THBS4: variants seen among roughly 807,000 people sequenced by gnomAD.
THBS4 encodes the protein thrombospondin 4, also known as thrombospondin-4.
THBS4 carries 90 observed loss-of-function variants against 115.7 expected under a neutral mutation model. The ratio of observed to expected loss-of-function variants is 0.78; its 90% CI spans 0.66 to 0.93. The LOEUF (loss-of-function observed/expected upper bound fraction) is 0.93, where lower values mean the gene tolerates loss of function less well. Ranked by LOEUF, THBS4 falls within the 40% of genes least tolerant of loss-of-function variation. The pLI, the probability that THBS4 is intolerant of heterozygous loss-of-function variation, is 0.00. For synonymous variants in THBS4, 460 were observed against 479.3 expected, an observed-to-expected ratio of 0.96 and a Z score of 0.53; for missense variants, 1,087 against 1,232.7, an observed-to-expected ratio of 0.88 and a Z score of 1.77.
At chr5:80,011,329 G>A (rs1367193750) in intron 2 of THBS4, among the ~76,000 whole-genome samples, 1 of 152,052 alleles carries the variant, frequency 6.6e-6, no homozygotes, top group Non-Finnish European at 1.5e-5. Flanking sequence ...ACTAATACAA[G>A]GGTAAACCAC....
intron 2 of THBS4, among the ~76,000 whole-genome samples, chr5:80,041,163 G>T (rs907103620): frequency 1.3e-5 from 2 of 152,106 alleles, no homozygotes. Flanking sequence ...CGCAGATTTG[G>T]CTCCTTGTAA....
At chr5:80,073,470 G>T in intron 15 of THBS4, 143 bp downstream of exon 15, 1 of 730,538 alleles carries the variant, frequency 1.4e-6, no homozygotes, top group Non-Finnish European at 2.3e-6. Context: ...TGCAAGCTCC[G>T]ATTCCCAGGT....
Position 80,078,129 on chromosome 5 carries a change from G to A in THBS4, c.2167G>A (p.Ala723Thr), listed in dbSNP as rs558997283. ...TCGGATCGACGTCTGCCCAGAGAAC[G>A]CAGAGGTCACCCTGACCGACTTCAG... The part of the protein sequence containing the change: ...IDRIDVCPEN[A>T]EVTLTDFRAY... The change falls in exon 17 of 22, where the codon GCA (alanine) becomes ACA (threonine). Residue 723 changes from alanine (A) to threonine (T), a missense_variant. Physicochemically the swap from Ala to Thr is moderately conservative, Grantham distance 58 (BLOSUM62 0). This residue lies in a region of THBS4 where 979 missense variants were observed against 1,103.7 expected (regional missense o/e 0.89). Coordinates refer to ENST00000350881, the MANE Select transcript of THBS4 (RefSeq NM_003248.6). The A allele has an allele frequency of 1.2e-5, 19 of 1,612,614 alleles. No homozygotes were observed. In the Admixed American group the frequency reaches 1.8e-4, roughly 16 times the overall value.
chr5:80,060,788 C>T (rs1034658251), intron 7 of THBS4, among the ~76,000 whole-genome samples: 1 of 152,118 alleles, frequency 6.6e-6, no homozygotes, highest in African/African-American at 2.4e-5. Context: ...TAGGCAATCA[C>T]CAGTCCAGTT....
Position 80,076,887 on chromosome 5 carries a change from A to G in THBS4, c.1925A>G (p.Asn642Ser), listed in dbSNP as rs758166298. Residue 642 changes from asparagine (N) to serine (S), a missense_variant, in exon 16 of 22, where the codon AAC becomes AGC. Asn to Ser is a conservative substitution (Grantham distance 46). Around this residue, in one of 3 missense-constraint regions of THBS4, gnomAD observed 979 missense variants for 1,103.7 expected, o/e 0.89. Coordinates refer to ENST00000350881, the MANE Select transcript of THBS4 (RefSeq NM_003248.6). ...GATGGGCACCAGGACAGCACAGACA[A>G]CTGCCCCACCGTCATTAACAGTGCC... ...DGDGHQDSTD[N>S]CPTVINSAQL... 24 of 1,607,546 alleles carry G rather than the reference A, an allele frequency of 1.5e-5. No homozygotes were observed. The highest frequency in any genetic ancestry group is 2.0e-5 in the Non-Finnish European group (24 of 1,176,494).
Position 80,035,827 on chromosome 5 carries a change from A to G in THBS4, c.88+202A>G, listed in dbSNP as rs562592070. 6.6e-6 allele frequency among the ~76,000 whole-genome samples: 1 copy of G among 152,304 alleles called. No individual in the cohort carries two copies. Among genetic ancestry groups the G allele is most frequent in the South Asian group, 2.1e-4 (1 of 4,822 alleles). On this transcript the variant is annotated intron_variant, in intron 1 of 21. Transcript: ENST00000350881. This position sits in a 1 kb window ranked among gnomAD's most constrained non-coding sequence, Gnocchi z 4.6. ...CGAAATTCGATTATCCAATGATGAG[A>G]ACAATTGCCTAAATAGTTGGGGGAT... is the stretch of plus-strand genomic sequence containing the variant.
intron 13 of THBS4, chr5:80,072,059 AC>A (rs1414357092): frequency 9.5e-6 from 5 of 526,726 alleles, no homozygotes; most frequent in Admixed American, 3.1e-5. Context: ...GACATCTTGG[AC>A]AAATTAGAAT....
intron 2 of THBS4, among the ~76,000 whole-genome samples, chr5:80,047,679 G>T (rs1445658515): frequency 2.7e-5 from 4 of 150,586 alleles, no homozygotes; most frequent in African/African-American, 9.8e-5. Context: ...TGTTGCCCAG[G>T]CTGGAGTGCA....
chr5:80,072,252 C>G, intron 13 of THBS4, 26 bp from the exon 14 acceptor site: 1 of 1,601,430 alleles, frequency 6.2e-7, no homozygotes, highest in Non-Finnish European at 8.6e-7. Flanking sequence ...ATTCCCCTGA[C>G]TCAAGGTAGC....
chr5:80,005,488 CA>C (rs1316230184), intron 2 of THBS4, among the ~76,000 whole-genome samples: 2 of 152,110 alleles, frequency 1.3e-5, no homozygotes, highest in Non-Finnish European at 2.9e-5. Context: ...TTAATATACC[CA>C]AACCACAAAG....
At chr5:80,010,543 A>G (rs1832103276) in intron 2 of THBS4, among the ~76,000 whole-genome samples, 1 of 152,214 alleles carries the variant, frequency 6.6e-6, no homozygotes. Context: ...CAATCTGTAG[A>G]AAGGTAGGCA....
intron 1 of THBS4, among the ~76,000 whole-genome samples, chr5:79,992,408 T>C (rs1831699820): frequency 6.6e-6 from 1 of 152,214 alleles, no homozygotes; most frequent in Non-Finnish European, 1.5e-5. Flanking sequence ...TTTCGTAAAA[T>C]TACTATTCAA....
At chr5:80,072,600 C>T in intron 14 of THBS4, 1 of 573,964 alleles carries the variant, frequency 1.7e-6, no homozygotes, top group Non-Finnish European at 3.1e-6. Flanking sequence ...GGACTATCTC[C>T]CAGGCTGTCG....
rs144763490 is a variant in THBS4, at chr5:80,070,359, C to G, written c.1401C>G (p.Ile467Met). The stretch of plus-strand genomic sequence containing the variant: ...ATATCTGTGGAAAGGATGTGGACAT[C>G]GACAGTTACCCCGACGAAGAACTGC... ...DGYICGKDVD[I>M]DSYPDEELPC... is the part of the protein sequence containing the mutation. Residue 467 changes from isoleucine (I) to methionine (M), a missense_variant, in exon 11 of 22, where the codon ATC (isoleucine) becomes ATG (methionine). This residue lies in a region of THBS4 where 979 missense variants were observed against 1,103.7 expected (regional missense o/e 0.89). Transcript: ENST00000350881. The G allele has an allele frequency of 5.3e-5, 86 of 1,611,896 alleles. No individual in the cohort carries two copies. In the African/African-American group the frequency reaches 9.7e-4, roughly 18 times the overall value.
chr5:80,001,466 C>T (rs1561289075), intron 2 of THBS4, among the ~76,000 whole-genome samples: 2 of 152,168 alleles, frequency 1.3e-5, no homozygotes, highest in African/African-American at 2.4e-5. Context: ...TACTGAATGG[C>T]GTACATGGAG....
chr5:80,081,542 A>G (rs911513797), intron 20 of THBS4, among the ~76,000 whole-genome samples: 1 of 152,256 alleles, frequency 6.6e-6, no homozygotes, highest in Non-Finnish European at 1.5e-5. Context: ...CGAAGGTGAC[A>G]TTCTAACAGA....
At chr5:80,055,752 T>C (rs200301204) in intron 2 of THBS4, 33 bp from the exon 3 acceptor site, 175 of 1,592,260 alleles carry the variant, frequency 1.1e-4, no homozygotes, top group Admixed American at 5.7e-4. Context: ...CTGCCACTTA[T>C]CACACCATTG....
chr5:79,992,190 A>T (rs1254016486), intron 1 of THBS4, among the ~76,000 whole-genome samples: 1 of 152,224 alleles, frequency 6.6e-6, no homozygotes, highest in Non-Finnish European at 1.5e-5. Context: ...CAGAAAAACT[A>T]TTAAAGAGGA....
chr5:80,049,216 C>T (rs1833173495), intron 2 of THBS4, among the ~76,000 whole-genome samples: 1 of 152,188 alleles, frequency 6.6e-6, no homozygotes, highest in East Asian at 1.9e-4. Context: ...CTGAAGATAG[C>T]AATATTTCAA....
Sources: gnomAD v4.1 joint callset for allele counts (sites outside exome capture counted in the v4.1 genomes callset) on GRCh38, gnomAD v4.1.1 for gene constraint, gnomAD v4.1.1 regional missense constraint, Gnocchi (gnomAD v3.1) non-coding constraint, MANE v1.5 for transcripts, NCBI Gene and HGNC (gene_info 2026-07-23, HGNC 2026-07-21) for gene names.